Variants in TAS1R2 observed in about 807,000 individuals in gnomAD.
The protein encoded by TAS1R2 is taste 1 receptor member 2, also known as taste receptor type 1 member 2.
TAS1R2 carries 47 observed loss-of-function variants against 49.3 expected under a neutral mutation model. That is an observed-to-expected ratio of 0.95 (90% CI 0.75 to 1.22). The LOEUF (loss-of-function observed/expected upper bound fraction) is 1.22, where lower values mean the gene tolerates loss of function less well. TAS1R2 is among the 50% of genes most tolerant of loss of function. The pLI, the probability that TAS1R2 is intolerant of heterozygous loss-of-function variation, is 0.00. For missense variants in TAS1R2, 1,155 were observed against 1,122.1 expected, an observed-to-expected ratio of 1.03 and a Z score of -0.42; for synonymous variants, 479 against 467.9, an observed-to-expected ratio of 1.02 and a Z score of -0.31.
chr1:18,843,392 G>C (rs886229116), intron 4 of TAS1R2, among the ~76,000 whole-genome samples: 1 of 152,186 alleles, frequency 6.6e-6, no homozygotes, highest in African/African-American at 2.4e-5. Context: ...AGAATGCCAG[G>C]ACATCCATTC....
intron 4 of TAS1R2, among the ~76,000 whole-genome samples, chr1:18,847,314 G>C (rs113589611): frequency 0.012 from 1,769 of 152,252 alleles, 38 homozygotes; most frequent in African/African-American, 0.04. Context: ...CTGACACTTT[G>C]ATCTTGGACT....
At chr1:18,853,122 G>T (rs1192147790) in intron 3 of TAS1R2, among the ~76,000 whole-genome samples, 1 of 152,170 alleles carries the variant, frequency 6.6e-6, no homozygotes, top group Admixed American at 6.5e-5. Flanking sequence ...TCAAAAGCAT[G>T]GTCCACCACT....
In TAS1R2 at chr1:18,851,441, T is replaced by C. The variant is rs146836212; in HGVS notation, c.1258-1891A>G. Among the ~76,000 whole-genome samples, 1,316 of 152,272 alleles carry C rather than the reference T, an allele frequency of 8.6e-3. 10 individuals carry two copies. Among genetic ancestry groups the C allele is most frequent in the Middle Eastern group, 0.027 (8 of 294 alleles). On this transcript the variant is annotated intron_variant, in intron 3 of 5. Transcript: ENST00000375371. ...GTCTCCTGGGTTCAAGCAATTCTCCTGCCTCAGCCTCCTGAGCAGCTGGGA... is the reference window on the plus strand; with the variant it reads ...GTCTCCTGGGTTCAAGCAATTCTCCCGCCTCAGCCTCCTGAGCAGCTGGGA...
chr1:18,859,430 C>T (rs1557601369), intron 1 of TAS1R2, 49 bp downstream of exon 1: 3 of 1,608,544 alleles, frequency 1.9e-6, no homozygotes, highest in Non-Finnish European at 2.5e-6. Context: ...CAGGCCTGGC[C>T]TCCCACCCCA....
chr1:18,859,279 G>A (rs182026027), intron 1 of TAS1R2, among the ~76,000 whole-genome samples, 200 bp downstream of exon 1: 8 of 152,300 alleles, frequency 5.3e-5, no homozygotes, highest in African/African-American at 7.2e-5. Flanking sequence ...GAGCACAGTC[G>A]CCAAAGATTT....
intron 3 of TAS1R2, among the ~76,000 whole-genome samples, chr1:18,853,438 A>G (rs1306809739): frequency 6.6e-6 from 1 of 152,204 alleles, no homozygotes; most frequent in Non-Finnish European, 1.5e-5. Flanking sequence ...TATGGGATAG[A>G]GAGGTACAAT....
At chr1:18,857,809 G>A (rs1175904431) in intron 1 of TAS1R2, among the ~76,000 whole-genome samples, 178 bp from the exon 2 acceptor site, 1 of 152,004 alleles carries the variant, frequency 6.6e-6, no homozygotes, top group Non-Finnish European at 1.5e-5. Context: ...ACATCTCTAG[G>A]GTCACCATTG....
chr1:18,850,790 G>A (rs372626035), intron 3 of TAS1R2, among the ~76,000 whole-genome samples: 49 of 152,300 alleles, frequency 3.2e-4, no homozygotes, highest in Admixed American at 2.4e-3. Flanking sequence ...GTTGAACCCC[G>A]TTTCCCCTTC....
chr1:18,849,013 G>A (rs193143520), intron 4 of TAS1R2, among the ~76,000 whole-genome samples: 13 of 152,278 alleles, frequency 8.5e-5, no homozygotes, highest in African/African-American at 2.6e-4. Context: ...AGTCCCTGGC[G>A]CCAAAAAGGT....
intron 4 of TAS1R2, among the ~76,000 whole-genome samples, chr1:18,842,629 T>TA (rs1933849534): frequency 6.6e-6 from 1 of 152,222 alleles, no homozygotes; most frequent in African/African-American, 2.4e-5. Context: ...GTCAAAGTAG[T>TA]ATTCACAAGG....
At chr1:18,849,198 C>A in intron 4 of TAS1R2, 143 bp downstream of exon 4, 1 of 893,068 alleles carries the variant, frequency 1.1e-6, no homozygotes, top group Non-Finnish European at 1.7e-6. Flanking sequence ...GGACCCCAGA[C>A]GATACACCCA....
At chr1:18,853,399 T>C (rs926946986) in intron 3 of TAS1R2, among the ~76,000 whole-genome samples, 2 of 151,682 alleles carry the variant, frequency 1.3e-5, no homozygotes, top group Non-Finnish European at 2.9e-5. Flanking sequence ...AAGAAAAGTG[T>C]TTAAGGTTGC....
At chr1:18,859,033 A>T (rs1487003530) in intron 1 of TAS1R2, among the ~76,000 whole-genome samples, 3 of 152,090 alleles carry the variant, frequency 2.0e-5, no homozygotes, top group Non-Finnish European at 4.4e-5. Flanking sequence ...GGGAAGAGGA[A>T]CTTCCCTCTC....
chr1:18,847,489 C>CCT (rs1933941370), intron 4 of TAS1R2, among the ~76,000 whole-genome samples: 1 of 152,200 alleles, frequency 6.6e-6, no homozygotes, highest in Admixed American at 6.5e-5. Flanking sequence ...GCATCAGGTA[C>CCT]CTCTGCAACT....
At chr1:18,852,611 C>T (rs1934051486) in intron 3 of TAS1R2, among the ~76,000 whole-genome samples, 1 of 152,098 alleles carries the variant, frequency 6.6e-6, no homozygotes, top group African/African-American at 2.4e-5. Context: ...TCTATGAACG[C>T]CTGCTGCCTC....
chr1:18,849,742 T>G (rs1177018295), intron 3 of TAS1R2, among the ~76,000 whole-genome samples, 192 bp from the exon 4 acceptor site: 2 of 152,210 alleles, frequency 1.3e-5, no homozygotes, highest in Non-Finnish European at 2.9e-5. Context: ...GCCAGACACA[T>G]CTGGGTTCAG....
chr1:18,855,049 G>T, intron 2 of TAS1R2, 63 bp from the exon 3 acceptor site: 1 of 1,554,208 alleles, frequency 6.4e-7, no homozygotes, highest in Non-Finnish European at 8.7e-7. Flanking sequence ...CCCACCCCAG[G>T]GCTCTATCCA....
chr1:18,851,723 CG>C (rs1243277696), intron 3 of TAS1R2, among the ~76,000 whole-genome samples: 2 of 152,172 alleles, frequency 1.3e-5, no homozygotes, highest in Admixed American at 6.5e-5. Context: ...ACCATCAGCA[CG>C]GGCAGCACAT....
chr1:18,855,049 G>A, intron 2 of TAS1R2, 63 bp from the exon 3 acceptor site: 1 of 1,554,208 alleles, frequency 6.4e-7, no homozygotes, highest in African/African-American at 1.4e-5. Context: ...CCCACCCCAG[G>A]GCTCTATCCA....
Sources: allele counts gnomAD v4.1 joint callset (sites outside exome capture counted in the v4.1 genomes callset), GRCh38; gene constraint gnomAD v4.1.1; transcripts MANE v1.5; gene names NCBI Gene and HGNC (gene_info 2026-07-23, HGNC 2026-07-21).